Variants in RAB33B observed in about 807,000 individuals in gnomAD.
RAB33B encodes the protein RAB33B, member RAS oncogene family.
RAB33B carries 6 observed loss-of-function variants against 15.0 expected under a neutral mutation model. The observed-to-expected ratio is 0.40, with a 90% confidence interval of 0.22 to 0.79. The LOEUF is 0.79. Ranked by LOEUF, RAB33B falls within the 30% of genes least tolerant of loss-of-function variation. The pLI, the probability that RAB33B is intolerant of heterozygous loss-of-function variation, is 0.37. For synonymous variants in RAB33B, 117 were observed against 108.3 expected (o/e 1.08, Z -0.50); for missense variants, 257 against 296.4 (o/e 0.87, Z 0.98).
chr4:139,442,592 G>A, the RAB33B span, among the ~76,000 whole-genome samples: 1 of 152,120 alleles, frequency 6.6e-6, no homozygotes, highest in Non-Finnish European at 1.5e-5. Context: ...CAGAAAAAAC[G>A]TGAAAAGATT....
intron 1 of RAB33B, among the ~76,000 whole-genome samples, chr4:139,469,788 A>G (rs1177058758): frequency 6.6e-6 from 1 of 152,176 alleles, no homozygotes; most frequent in Admixed American, 6.5e-5. Flanking sequence ...ATCCAGGAGA[A>G]TTCTCTGTAC....
intron 1 of RAB33B, among the ~76,000 whole-genome samples, chr4:139,459,002 G>A (rs552750207): frequency 1.8e-4 from 28 of 152,172 alleles, no homozygotes; most frequent in Non-Finnish European, 2.6e-4. Flanking sequence ...TTTCTCTCAT[G>A]ATTAGTGATG....
Position 139,473,129 on chromosome 4 carries a change from AAC to A in RAB33B, c.*5_*6del. The A allele has an allele frequency of 1.3e-6, 2 of 1,586,098 alleles. No individual in the cohort carries two copies. The highest frequency in any genetic ancestry group is 1.7e-6 in the Non-Finnish European group (2 of 1,167,500). ...CTGCAATGACGTGCTGGTGCTAAAT[AAC>A]AGTCTTTATTATATTATCTAATTTT... On this transcript the variant is annotated 3_prime_UTR_variant, in exon 2 of 2. Coordinates refer to ENST00000305626, the MANE Select transcript of RAB33B (RefSeq NM_031296.3).
At chr4:139,470,149 C>G (rs918995336) in intron 1 of RAB33B, among the ~76,000 whole-genome samples, 1 of 152,228 alleles carries the variant, frequency 6.6e-6, no homozygotes, top group African/African-American at 2.4e-5. Flanking sequence ...GCAAGTTTCC[C>G]TAAGCCTTGG....
rs1267197152 is a variant in RAB33B at position 139,465,426 on chromosome 4, G to A, written c.250-7260G>A. On this transcript the variant is annotated intron_variant, in intron 1 of 1. Transcript: ENST00000305626. ...CCATTTGTCTATTTTGGCTTTTGTT[G>A]CCATTGCTTTTGGTGTTTTAGACAT... Among the ~76,000 whole-genome samples, 4 of 152,278 alleles carry A rather than the reference G, an allele frequency of 2.6e-5. No homozygotes were observed. The East Asian group carries it at 7.7e-4, about 29-fold the overall frequency.
chr4:139,463,055 A>G (rs1238128642), intron 1 of RAB33B, among the ~76,000 whole-genome samples: 1 of 152,166 alleles, frequency 6.6e-6, no homozygotes, highest in African/African-American at 2.4e-5. Flanking sequence ...AGTCGCAGCT[A>G]CTCAGGAGGC....
intron 1 of RAB33B, among the ~76,000 whole-genome samples, chr4:139,457,272 A>G (rs1021030107): frequency 1.3e-5 from 2 of 152,248 alleles, no homozygotes; most frequent in African/African-American, 4.8e-5. Context: ...TGGAAGTCGA[A>G]TAAAATTATA....
upstream of RAB33B, chr4:139,453,070 T>C (rs1369899634): frequency 6.6e-6 from 1 of 152,228 alleles, no homozygotes; most frequent in Non-Finnish European, 1.5e-5. Context: ...ATATTTTCCT[T>C]AGGTAGACAA....
chr4:139,463,408 T>G (rs1055139197), intron 1 of RAB33B, among the ~76,000 whole-genome samples: 1 of 152,234 alleles, frequency 6.6e-6, no homozygotes, highest in Non-Finnish European at 1.5e-5. Context: ...AGTGCTGTGA[T>G]GACAGGTGTG....
Position 139,454,261 on chromosome 4 carries a change from C to T in RAB33B, c.66C>T (p.Ala22=), listed in dbSNP as rs201382820. 14 of 1,614,126 alleles carry T rather than the reference C, an allele frequency of 8.7e-6. No individual in the cohort carries two copies. In the East Asian group the frequency reaches 2.5e-4, roughly 28 times the overall value. ...CGTCCAGCGGGGCAGTGTCAGGGGC[C>T]TCAGGGTTTTTGCCTCCTGCCCGCT... The part of the protein sequence containing the change: ...SFSSSGAVSG[A]SGFLPPARSR... The change falls in exon 1 of 2, where the codon GCC becomes GCT. Residue 22 remains alanine, a synonymous_variant. Transcript: ENST00000305626.
At chr4:139,465,463 C>G (rs1221716943) in intron 1 of RAB33B, among the ~76,000 whole-genome samples, 6 of 152,140 alleles carry the variant, frequency 3.9e-5, no homozygotes, top group African/African-American at 1.2e-4. Flanking sequence ...GAGTCCTTGC[C>G]CATGCCTATG....
intron 1 of RAB33B, among the ~76,000 whole-genome samples, chr4:139,466,961 CTTTTTT>C (rs35504904): frequency 1.2e-4 from 8 of 68,512 alleles, no homozygotes; most frequent in African/African-American, 2.8e-4. Context: ...GAAGCACAAA[CTTTTTT>C]TTTTTTTTTT....
chr4:139,453,954 A>T, upstream of RAB33B: 1 of 380,986 alleles, frequency 2.6e-6, no homozygotes, highest in Non-Finnish European at 4.6e-6. Context: ...CGCCAGCCCG[A>T]GTGACGCCTG....
At chr4:139,466,961 CTTTTTTTTTTT>C (rs35504904) in intron 1 of RAB33B, among the ~76,000 whole-genome samples, 2 of 68,482 alleles carry the variant, frequency 2.9e-5, no homozygotes, top group African/African-American at 1.1e-4. Flanking sequence ...GAAGCACAAA[CTTTTTTTTTTT>C]TTTTTTTTTT....
chr4:139,464,243 T>A (rs1248431748), intron 1 of RAB33B, among the ~76,000 whole-genome samples: 2 of 152,084 alleles, frequency 1.3e-5, no homozygotes, highest in Non-Finnish European at 1.5e-5. Context: ...TGCCACTGCA[T>A]TCCAGCCTGG....
chr4:139,446,360 C>G, the RAB33B span, among the ~76,000 whole-genome samples: 1 of 152,180 alleles, frequency 6.6e-6, no homozygotes, highest in Non-Finnish European at 1.5e-5. Context: ...CCCTGAAGGA[C>G]AGCAGTGAAA....
intron 1 of RAB33B, among the ~76,000 whole-genome samples, chr4:139,461,932 T>C (rs1450965541): frequency 6.6e-6 from 1 of 151,848 alleles, no homozygotes; most frequent in Non-Finnish European, 1.5e-5. Flanking sequence ...TATATACGTA[T>C]AATTCCTTTA....
At chr4:139,443,175 G>T in the RAB33B span, among the ~76,000 whole-genome samples, 1 of 152,028 alleles carries the variant, frequency 6.6e-6, no homozygotes, top group African/African-American at 2.4e-5. Context: ...TGTATTTTTA[G>T]CAGAGATGGG....
the RAB33B span, among the ~76,000 whole-genome samples, chr4:139,439,716 A>G: frequency 6.6e-6 from 1 of 151,788 alleles, no homozygotes; most frequent in Non-Finnish European, 1.5e-5. Flanking sequence ...CATTTCTTCA[A>G]TCTCTTTTCT....
Sources: gnomAD v4.1 joint callset for allele counts (sites outside exome capture counted in the v4.1 genomes callset) on GRCh38, gnomAD v4.1.1 for gene constraint, MANE v1.5 for transcripts, NCBI Gene and HGNC (gene_info 2026-07-23, HGNC 2026-07-21) for gene names.